PCNX3: variants seen among roughly 807,000 people sequenced by gnomAD.
PCNX3 encodes the protein pecanex-like protein 3.
PCNX3 carries 58 observed loss-of-function variants against 207.2 expected under a neutral mutation model. The ratio of observed to expected loss-of-function variants is 0.28; its 90% CI spans 0.23 to 0.35. The LOEUF is 0.35. Among genes scored for constraint, PCNX3 ranks in the 10% least tolerant of loss-of-function variants. The pLI is 1.00. For missense variants in PCNX3, 2,410 were observed against 2,774.4 expected, an observed-to-expected ratio of 0.87 and a Z score of 2.95; for synonymous variants, 1,337 against 1,183.5, an observed-to-expected ratio of 1.13 and a Z score of -2.66.
rs1350127895 is a variant in PCNX3 at position 65,629,582 on chromosome 11, A to G, written c.4063A>G (p.Thr1355Ala). ...GCACTTGACACGTTCGCTGCAGCAC[A>G]CACTGTGTGGGGACCTGGTGCTGGG... ...YEHLTRSLQHTLCGDLVLGRW... is the reference protein window; with the variant it reads ...YEHLTRSLQHALCGDLVLGRW... The change falls in exon 26 of 35, where the codon ACA (threonine) becomes GCA (alanine). Residue 1355 changes from threonine (T) to alanine (A), a missense_variant. Physicochemically the swap from Thr to Ala is moderately conservative, Grantham distance 58 (BLOSUM62 0). Around this residue, in one of 8 missense-constraint regions of PCNX3, gnomAD observed 420 missense variants for 705.3 expected, o/e 0.60. Transcript: ENST00000355703. The G allele has an allele frequency of 1.2e-6, 2 of 1,613,334 alleles. No individual in the cohort carries two copies. The highest frequency in any genetic ancestry group is 1.6e-4 in the Middle Eastern group (1 of 6,084).
intron 13 of PCNX3, 110 bp downstream of exon 13, chr11:65,624,071 C>A (rs1354986102): frequency 1.9e-6 from 3 of 1,572,322 alleles, no homozygotes; most frequent in Non-Finnish European, 2.6e-6. Context: ...CCACCCCCAT[C>A]ACCCCCACCT....
intron 27 of PCNX3, among the ~76,000 whole-genome samples, chr11:65,632,265 C>A (rs1855644708): frequency 6.6e-6 from 1 of 150,554 alleles, no homozygotes; most frequent in African/African-American, 2.4e-5. Flanking sequence ...AGGATGTGGA[C>A]TGAGGGTGAA....
In PCNX3 at chr11:65,619,083, A is replaced by G; in HGVS notation, c.1705+16A>G. 6.4e-7 allele frequency: 1 copy of G among 1,570,324 alleles called. No individual in the cohort carries two copies. The highest frequency in any genetic ancestry group is 8.6e-7 in the Non-Finnish European group (1 of 1,161,470). ...GTGGGGGGAGGTGAGTGCTTGCTCT[A>G]GAGGCAGGGGCTGGGGGACGTGAGC... On this transcript the variant is annotated intron_variant, in intron 6 of 34. Transcript: ENST00000355703.
chr11:65,616,228 C>A lies in PCNX3; in HGVS notation c.-84C>A. On this transcript the variant is annotated 5_prime_UTR_variant, in exon 1 of 35. Coordinates refer to ENST00000355703, the MANE Select transcript of PCNX3 (RefSeq NM_032223.4). ...TGAGCGTGAGGCCGGGCCCCGGGGC[C>A]CTCAGGCGCCAGACGGGGCATGGGC... is the stretch of plus-strand genomic sequence containing the variant. 1 of 1,176,370 alleles carries A rather than the reference C, an allele frequency of 8.5e-7. No individual in the cohort carries two copies. Among genetic ancestry groups the A allele is most frequent in the Non-Finnish European group, 1.1e-6 (1 of 890,578 alleles). 72.9% of individuals were successfully genotyped at this position (1,176,370 alleles called of 1,614,324 possible).
chr11:65,623,337 G>T (rs1436208694), intron 11 of PCNX3, among the ~76,000 whole-genome samples, 154 bp from the exon 12 acceptor site: 2 of 152,204 alleles, frequency 1.3e-5, no homozygotes, highest in African/African-American at 2.4e-5. Context: ...GGGCCGCGTC[G>T]TCGCAAAGTT....
chr11:65,626,386 G>A (rs761320987), intron 20 of PCNX3: 30 of 510,820 alleles, frequency 5.9e-5, no homozygotes, highest in Non-Finnish European at 9.7e-5. Flanking sequence ...GTGGACCAGA[G>A]CTGCCTGGAG....
intron 15 of PCNX3, 62 bp from the exon 16 acceptor site, chr11:65,624,863 G>A: frequency 1.3e-6 from 2 of 1,497,466 alleles, no homozygotes; most frequent in South Asian, 2.3e-5. Flanking sequence ...GGGAAGCGCG[G>A]CTAGGGTTGA....
chr11:65,623,350 A>T, intron 11 of PCNX3, 141 bp from the exon 12 acceptor site: 1 of 1,086,094 alleles, frequency 9.2e-7, no homozygotes, highest in Non-Finnish European at 1.3e-6. Context: ...GCAAAGTTAT[A>T]GGTGTTCACA....
At chr11:65,620,298 T>C (rs755750890) in intron 8 of PCNX3, 41 bp from the exon 9 acceptor site, 3 of 1,580,842 alleles carry the variant, frequency 1.9e-6, no homozygotes, top group South Asian at 1.1e-5. Flanking sequence ...TTGGTGCTTC[T>C]GTCTCTGCCA....
chr11:65,627,441 G>A lies in PCNX3; in HGVS notation c.3561G>A (p.Lys1187=), dbSNP rs761132946. 4 of 1,612,366 alleles carry A rather than the reference G, an allele frequency of 2.5e-6. No individual in the cohort carries two copies. The East Asian group carries it at 8.9e-5, about 36-fold the overall frequency. ...RALLMTVAGL[K]LLRSAFCCPP... is the part of the protein sequence containing the mutation. ...TGCTGATGACCGTGGCTGGGCTGAA[G>A]CTGCTGCGCTCAGCCTTCTGCTGCC... is the stretch of plus-strand genomic sequence containing the variant. The change falls in exon 22 of 35, where the codon AAG becomes AAA. Residue 1187 remains lysine, a synonymous_variant. Coordinates refer to ENST00000355703, the MANE Select transcript of PCNX3 (RefSeq NM_032223.4).
intron 29 of PCNX3, 88 bp from the exon 30 acceptor site, chr11:65,634,885 G>A: frequency 6.7e-7 from 1 of 1,488,474 alleles, no homozygotes; most frequent in South Asian, 1.3e-5. Flanking sequence ...CTCAGCGTGA[G>A]GAAAGGCCTC....
chr11:65,630,255 G>A, intron 26 of PCNX3, 96 bp from the exon 27 acceptor site: 1 of 1,487,686 alleles, frequency 6.7e-7, no homozygotes. Context: ...GGGGGTGAAT[G>A]GCAGCAGGCC....
rs202080396 is a variant in PCNX3, at chr11:65,618,604, A to C, written c.1242A>C (p.Glu414Asp). The C allele has an allele frequency of 6.2e-7, 1 of 1,612,388 alleles. No individual in the cohort carries two copies. Among genetic ancestry groups the C allele is most frequent in the Non-Finnish European group, 8.5e-7 (1 of 1,179,778 alleles). The change falls in exon 6 of 35, where the codon GAA becomes GAC. Residue 414 changes from glutamate (E) to aspartate (D), a missense_variant. By Grantham distance (45) the Glu-to-Asp change is conservative (BLOSUM62 2). Transcript: ENST00000355703. ...PGRAPRRPLLEGGGFFEDEDT... is the reference protein window; with the variant it reads ...PGRAPRRPLLDGGGFFEDEDT... ...GTGCCCCTCGACGGCCCCTGCTTGA[A>C]GGTGGGGGCTTCTTTGAGGATGAAG... is the stretch of plus-strand genomic sequence containing the variant.
At position 65,615,993 on chromosome 11, in the gene PCNX3, G is replaced by A. The variant is rs1854705932; in HGVS notation, c.-319G>A. 1 of 199,798 alleles carries A rather than the reference G, an allele frequency of 5.0e-6. No individual in the cohort carries two copies. Among genetic ancestry groups the A allele is most frequent in the East Asian group, 1.2e-4 (1 of 8,406 alleles). The allele number at this position is 199,798 out of a possible 1,614,324, so 12.4% of individuals were successfully genotyped here. On this transcript the variant is annotated 5_prime_UTR_variant, in exon 1 of 35. Transcript: ENST00000355703. ...CCCACGACCACCTCTGGATGCCGCCGACGGGTACCCGGCCCGTGCCCCGCG... is the reference window on the plus strand; with the variant it reads ...CCCACGACCACCTCTGGATGCCGCCAACGGGTACCCGGCCCGTGCCCCGCG...
chr11:65,629,385 C>T lies in PCNX3; in HGVS notation c.3970C>T (p.Arg1324Cys), dbSNP rs775804738. ...NTKRVDHSNT[R>C]LVTQLDRNPG... Reference sequence around the variant, plus strand: ...TAAACGTGTGGATCATTCCAACACCCGCCTGGTCACACAGCTGGACAGGAA... The same window carrying T: ...TAAACGTGTGGATCATTCCAACACCTGCCTGGTCACACAGCTGGACAGGAA... Residue 1324 changes from arginine (R) to cysteine (C), a missense_variant, in exon 25 of 35, where the codon CGC becomes TGC. Around this residue, in one of 8 missense-constraint regions of PCNX3, gnomAD observed 420 missense variants for 705.3 expected, o/e 0.60. Transcript: ENST00000355703. 8.1e-6 allele frequency: 13 copies of T among 1,611,800 alleles called. No homozygotes were observed. The highest frequency in any genetic ancestry group is 1.1e-5 in the Non-Finnish European group (13 of 1,178,954).
At chr11:65,621,099 G>A in intron 10 of PCNX3, 133 bp downstream of exon 10, 4 of 1,197,924 alleles carry the variant, frequency 3.3e-6, no homozygotes, top group Non-Finnish European at 3.4e-6. Flanking sequence ...CGCTCCAGGG[G>A]CCCTACTGTG....
chr11:65,625,484 T>C lies in PCNX3; in HGVS notation c.3109T>C (p.Leu1037=). 1 of 1,601,054 alleles carries C rather than the reference T, an allele frequency of 6.2e-7. No individual in the cohort carries two copies. Among genetic ancestry groups the C allele is most frequent in the South Asian group, 1.1e-5 (1 of 90,876 alleles). The change falls in exon 18 of 35, where the codon TTG becomes CTG. Residue 1037 remains leucine (L), a synonymous_variant. Coordinates refer to ENST00000355703, the MANE Select transcript of PCNX3 (RefSeq NM_032223.4). This position sits in a 1 kb window ranked among gnomAD's most constrained non-coding sequence, Gnocchi z 5.6. The stretch of plus-strand genomic sequence containing the variant: ...AGCCCGGGCCGAGCCCCCGGACCCC[T>C]TGCCGGACAAGATGCGCCAGTCGGT... ...ETARAEPPDP[L]PDKMRQSVRE...
intron 27 of PCNX3, among the ~76,000 whole-genome samples, chr11:65,632,285 G>T (rs1855645156): frequency 6.6e-6 from 1 of 151,398 alleles, no homozygotes; most frequent in South Asian, 2.1e-4. Context: ...AGCTTGGAAG[G>T]ACAAGTCAGG....
intron 20 of PCNX3, 65 bp downstream of exon 20, chr11:65,626,119 G>C (rs1206061100): frequency 5.8e-6 from 9 of 1,541,616 alleles, no homozygotes; most frequent in Non-Finnish European, 7.8e-6. Context: ...GCTGGTGGGA[G>C]CTGTGGTCCT....
Sources: allele counts gnomAD v4.1 joint callset (sites outside exome capture counted in the v4.1 genomes callset), GRCh38; gene constraint gnomAD v4.1.1; regional missense constraint gnomAD v4.1.1; non-coding constraint Gnocchi (gnomAD v3.1); transcripts MANE v1.5; gene names NCBI Gene and HGNC (gene_info 2026-07-23, HGNC 2026-07-21).